The following PCDH12 variants were observed in gnomAD, a reference collection of about 807,000 sequenced individuals.
PCDH12 encodes the protein protocadherin-12.
PCDH12 carries 45 observed loss-of-function variants against 70.9 expected under a neutral mutation model. The ratio of observed to expected loss-of-function variants is 0.63; its 90% CI spans 0.50 to 0.81. The LOEUF (loss-of-function observed/expected upper bound fraction) is 0.81. PCDH12 is among the 40% of genes least tolerant of loss of function. PCDH12 has a pLI of 0.00. For synonymous variants in PCDH12, 567 were observed against 626.0 expected, an observed-to-expected ratio of 0.91 and a Z score of 1.41; for missense variants, 1,370 against 1,491.7, an observed-to-expected ratio of 0.92 and a Z score of 1.34.
At chr5:141,953,293 A>AC (rs1381699624) in intron 1 of PCDH12, 1 of 152,242 alleles carries the variant, frequency 6.6e-6, no homozygotes, top group African/African-American at 2.4e-5. Context: ...CAGTAAAAAA[A>AC]GTGCATATTA....
intron 2 of PCDH12, among the ~76,000 whole-genome samples, chr5:141,950,213 AGTCTCCTGCT>A (rs1262796402): frequency 6.6e-6 from 1 of 152,176 alleles, no homozygotes. Flanking sequence ...CCTGCACCCC[AGTCTCCTGCT>A]GTCTCCATCC....
Position 141,951,481 on chromosome 5 carries a change from C to T in PCDH12, c.2978+12G>A, listed in dbSNP as rs1015795451. On this transcript the variant is annotated intron_variant, in intron 2 of 3. Transcript: ENST00000231484. ...GGCCTTGAGATGCCTGTGGGGGCTA[C>T]GTGCTGCTTACCTGCTGCCTCCTGG... 9 of 1,609,426 alleles carry T rather than the reference C, an allele frequency of 5.6e-6. No homozygotes were observed. Among genetic ancestry groups the T allele is most frequent in the South Asian group, 2.2e-5 (2 of 90,944 alleles).
intron 3 of PCDH12, among the ~76,000 whole-genome samples, chr5:141,947,109 T>G (rs189865343): frequency 1.3e-5 from 2 of 152,246 alleles, no homozygotes; most frequent in Non-Finnish European, 2.9e-5. Context: ...TTATGTAATT[T>G]GAACAAGTTA....
In PCDH12 at chr5:141,945,541, G is replaced by A; in HGVS notation, c.3395C>T (p.Ala1132Val). Residue 1132 changes from alanine (A) to valine (V), a missense_variant, in exon 4 of 4, where the codon GCC (alanine) becomes GTC (valine). Ala to Val is a moderately conservative substitution (Grantham distance 64). Coordinates refer to ENST00000231484, the MANE Select transcript of PCDH12 (RefSeq NM_016580.4). ...EQRSSMPVEA[A>V]SEALRRLSVC... is the part of the protein sequence containing the mutation. ...CGAGAGCCGCCGCAGCGCCTCGGAG[G>A]CGGCCTCCACGGGCATGCTGGAGCG... The A allele has an allele frequency of 1.9e-6, 3 of 1,613,984 alleles. No individual in the cohort carries two copies. Among genetic ancestry groups the A allele is most frequent in the Non-Finnish European group, 2.5e-6 (3 of 1,179,998 alleles).
At chr5:141,949,261 T>C (rs1753023538) in intron 3 of PCDH12, 171 bp downstream of exon 3, 2 of 944,438 alleles carry the variant, frequency 2.1e-6, no homozygotes, top group Non-Finnish European at 2.5e-6. Flanking sequence ...AAGTAGAACC[T>C]GGTCTTTAAA....
chr5:141,956,791 AC>A lies in PCDH12; in HGVS notation c.1060del (p.Val354SerfsTer40), dbSNP rs1199523766. 5.6e-6 allele frequency: 9 copies of A among 1,614,146 alleles called. No homozygotes were observed. The Admixed American group carries it at 8.3e-5, about 15-fold the overall frequency. ...CAGTGATGGCTGGGAGGCCCATGTG[AC>A]GTGGATGCTTGGGATGTTGTCATTG... The part of the protein sequence containing the change: ...DVNDNIPSIH[V>X]TWASQPSLVS... On this transcript the variant is annotated frameshift_variant, in exon 1 of 4. Coordinates refer to ENST00000231484, the MANE Select transcript of PCDH12 (RefSeq NM_016580.4). LOFTEE classifies it high-confidence loss of function.
At chr5:141,949,631 A>G in intron 2 of PCDH12, 48 bp from the exon 3 acceptor site, 2 of 1,576,376 alleles carry the variant, frequency 1.3e-6, no homozygotes, top group Non-Finnish European at 1.7e-6. Flanking sequence ...TCCCATATAG[A>G]TTCATTCATT....
In PCDH12 at chr5:141,957,553, T is replaced by C. The variant is rs1181638724; in HGVS notation, c.299A>G (p.Gln100Arg). ...AAAGGAAACCAGGCAGGGATCCCAC[T>C]GTCGGCACAGCTGCTCTCGATCCAG... ...RRLDREQLCRQWDPCLVSFDV... is the reference protein window; with the variant it reads ...RRLDREQLCRRWDPCLVSFDV... The change falls in exon 1 of 4, where the codon CAG (glutamine) becomes CGG (arginine). Residue 100 changes from glutamine to arginine, a missense_variant. Physicochemically the swap from Gln to Arg is conservative, Grantham distance 43. Transcript: ENST00000231484. This position sits in a 1 kb window ranked among gnomAD's most constrained non-coding sequence, Gnocchi z 4.3. 6.2e-7 allele frequency: 1 copy of C among 1,614,210 alleles called. No homozygotes were observed. Among genetic ancestry groups the C allele is most frequent in the Admixed American group, 1.7e-5 (1 of 60,024 alleles).
intron 3 of PCDH12, among the ~76,000 whole-genome samples, chr5:141,948,594 C>CT (rs1207872897): frequency 1.3e-5 from 2 of 152,170 alleles, no homozygotes; most frequent in Non-Finnish European, 2.9e-5. Context: ...CAATTGTTAG[C>CT]ATATTAAAGA....
rs764159953 is a variant in PCDH12, at chr5:141,955,620, C to A, written c.2232G>T (p.Lys744Asn). The change falls in exon 1 of 4, where the codon AAG becomes AAT. Residue 744 changes from lysine (K) to asparagine (N), a missense_variant. By Grantham distance (94) the Lys-to-Asn change is moderately conservative (BLOSUM62 0). Transcript: ENST00000231484. This position sits in a 1 kb window ranked among gnomAD's most constrained non-coding sequence, Gnocchi z 5.5. ...ALFMSICRTE[K>N]KDNRAYNCRE... ...GACAGTTGTAGGCCCTGTTGTCCTT[C>A]TTTTCTGTCCGGCAGATGGACATGA... 5 of 1,612,916 alleles carry A rather than the reference C, an allele frequency of 3.1e-6. No homozygotes were observed. Among genetic ancestry groups the A allele is most frequent in the Non-Finnish European group, 2.5e-6 (3 of 1,180,020 alleles).
Position 141,958,137 on chromosome 5 carries a change from C to G in PCDH12, c.-286G>C. The G allele has an allele frequency of 2.2e-6, 1 of 448,386 alleles. No individual in the cohort carries two copies. 27.8% of individuals were successfully genotyped at this position (448,386 alleles called of 1,614,324 possible). A position where few individuals can be genotyped will look rare whatever the true frequency, so the allele number is the denominator to read the frequency against. ...CACTTCAGCAAATGATGGACAAGAG[C>G]TGGTCTAAGAGGGACCTGACCCAGT... On this transcript the variant is annotated 5_prime_UTR_variant, in exon 1 of 4. Transcript: ENST00000231484.
Position 141,956,149 on chromosome 5 carries a change from G to A in PCDH12, c.1703C>T (p.Pro568Leu). 1.2e-6 allele frequency: 2 copies of A among 1,614,206 alleles called. No homozygotes were observed. The highest frequency in any genetic ancestry group is 1.7e-6 in the Non-Finnish European group (2 of 1,180,048). ...ANDNAPEVVQPVLSDGKASLS... is the reference protein window; with the variant it reads ...ANDNAPEVVQLVLSDGKASLS... The stretch of plus-strand genomic sequence containing the variant: ...GCTGGCTTTTCCATCGCTGAGCACA[G>A]GCTGGACCACCTCTGGGGCATTATC... The change falls in exon 1 of 4, where the codon CCT becomes CTT. Residue 568 changes from proline to leucine, a missense_variant. Coordinates refer to ENST00000231484, the MANE Select transcript of PCDH12 (RefSeq NM_016580.4).
chr5:141,949,049 CAAA>C (rs5871796), intron 3 of PCDH12, among the ~76,000 whole-genome samples: 1 of 140,752 alleles, frequency 7.1e-6, no homozygotes, highest in Non-Finnish European at 1.5e-5. Flanking sequence ...CCTGTCCCTA[CAAA>C]AAAAAAAAAA....
chr5:141,955,423 G>A lies in PCDH12; in HGVS notation c.2429C>T (p.Pro810Leu), dbSNP rs368550046. Reference sequence around the variant, plus strand: ...GAGGTGGAAGGGGGCCTGCAGGCAGGGGTCCCAGCCTGCTTCCATCATCGC... The same window carrying A: ...GAGGTGGAAGGGGGCCTGCAGGCAGAGGTCCCAGCCTGCTTCCATCATCGC... ...KEAMMEAGWD[P>L]CLQAPFHLTP... The change falls in exon 1 of 4, where the codon CCC becomes CTC. Residue 810 changes from proline (P) to leucine (L), a missense_variant. Pro to Leu is a moderately conservative substitution (Grantham distance 98). Transcript: ENST00000231484. The surrounding 1 kb of genome is among the most constrained non-coding windows in gnomAD (Gnocchi z 5.5). The A allele has an allele frequency of 1.6e-5, 26 of 1,614,024 alleles. No individual in the cohort carries two copies. In the African/African-American group the frequency reaches 3.1e-4, roughly 19 times the overall value.
Position 141,955,401 on chromosome 5 carries a change from G to T in PCDH12, c.2451C>A (p.His817Gln). ...GCGTCCTGTACAGGGTCGGGGTGAG[G>T]TGGAAGGGGGCCTGCAGGCAGGGGT... is the stretch of plus-strand genomic sequence containing the variant. Reference protein sequence around the residue: ...GWDPCLQAPFHLTPTLYRTLR... With the variant: ...GWDPCLQAPFQLTPTLYRTLR... Residue 817 changes from histidine to glutamine, a missense_variant, in exon 1 of 4, where the codon CAC (histidine) becomes CAA (glutamine). Physicochemically the swap from His to Gln is conservative, Grantham distance 24. Transcript: ENST00000231484. This position sits in a 1 kb window ranked among gnomAD's most constrained non-coding sequence, Gnocchi z 5.5. The T allele has an allele frequency of 3.1e-6, 5 of 1,613,976 alleles. No individual in the cohort carries two copies. The highest frequency in any genetic ancestry group is 4.2e-6 in the Non-Finnish European group (5 of 1,180,012).
chr5:141,949,280 T>C lies in PCDH12; in HGVS notation c.3130+152A>G. 2.7e-6 allele frequency: 4 copies of C among 1,461,872 alleles called. No individual in the cohort carries two copies. The East Asian group carries it at 7.3e-5, about 27-fold the overall frequency. 90.6% of individuals were successfully genotyped at this position (1,461,872 alleles called of 1,614,324 possible). On this transcript the variant is annotated intron_variant, in intron 3 of 3. Coordinates refer to ENST00000231484, the MANE Select transcript of PCDH12 (RefSeq NM_016580.4). Reference sequence around the variant, plus strand: ...AGAACCTGGTCTTTAAAATACTTTCTGAGGCTGCAAGGGTGCAAGGGAAGT... The same window carrying C: ...AGAACCTGGTCTTTAAAATACTTTCCGAGGCTGCAAGGGTGCAAGGGAAGT...
Position 141,949,553 on chromosome 5 carries a change from A to T in PCDH12, c.3009T>A (p.Ser1003Arg), listed in dbSNP as rs770334979. Residue 1003 changes from serine (S) to arginine (R), a missense_variant, in exon 3 of 4, where the codon AGT becomes AGA. Transcript: ENST00000231484. ...GGTCTGTCTGGCCTCCAGCCCTTGC[A>T]CTTGGGCCATCTGTGTCTGGGATTG... ...RSAIPDTDGP[S>R]ARAGGQTDPE... is the part of the protein sequence containing the mutation. The T allele has an allele frequency of 1.2e-6, 2 of 1,613,972 alleles. No homozygotes were observed. The highest frequency in any genetic ancestry group is 1.3e-5 in the African/African-American group (1 of 74,930).
In PCDH12 at chr5:141,955,038, C is replaced by G; in HGVS notation, c.2814G>C (p.Leu938=). 3 of 1,614,266 alleles carry G rather than the reference C, an allele frequency of 1.9e-6. No individual in the cohort carries two copies. Among genetic ancestry groups the G allele is most frequent in the Non-Finnish European group, 2.5e-6 (3 of 1,180,052 alleles). ...TCCGCTCGGCGAAGGCAGCCACAGACAGCCGGACCAGGCTCCGCAGGATCT... is the reference window on the plus strand; with the variant it reads ...TCCGCTCGGCGAAGGCAGCCACAGAGAGCCGGACCAGGCTCCGCAGGATCT... ...PRQILRSLVR[L]SVAAFAERNP... is the part of the protein sequence containing the mutation. Residue 938 remains leucine, a synonymous_variant, in exon 1 of 4, where the codon CTG becomes CTC. Transcript: ENST00000231484. This position sits in a 1 kb window ranked among gnomAD's most constrained non-coding sequence, Gnocchi z 5.5.
In PCDH12 at chr5:141,955,581, G is replaced by A; in HGVS notation, c.2271C>T (p.Ser757=). 6.2e-7 allele frequency: 1 copy of A among 1,614,152 alleles called. No homozygotes were observed. Among genetic ancestry groups the A allele is most frequent in the East Asian group, 2.2e-5 (1 of 44,876 alleles). Residue 757 remains serine (S), a synonymous_variant, in exon 1 of 4, where the codon TCC becomes TCT. Coordinates refer to ENST00000231484, the MANE Select transcript of PCDH12 (RefSeq NM_016580.4). This position sits in a 1 kb window ranked among gnomAD's most constrained non-coding sequence, Gnocchi z 5.5. ...NRAYNCREAE[S]TYRQQPKRPQ... ...GCCTCTTGGGCTGCTGGCGGTAGGT[G>A]GACTCGGCCTCCCGACAGTTGTAGG...
Sources: allele counts gnomAD v4.1 joint callset (sites outside exome capture counted in the v4.1 genomes callset), GRCh38; gene constraint gnomAD v4.1.1; non-coding constraint Gnocchi (gnomAD v3.1); transcripts MANE v1.5; gene names NCBI Gene and HGNC (gene_info 2026-07-23, HGNC 2026-07-21).